The following BRWD3 variants were observed in gnomAD, a reference collection of about 807,000 sequenced individuals.
BRWD3 encodes the protein bromodomain and WD repeat-containing protein 3.
BRWD3 carries 10 observed loss-of-function variants against 149.7 expected under a neutral mutation model. The ratio of observed to expected loss-of-function variants is 0.07; its 90% CI spans 0.04 to 0.11. The LOEUF (loss-of-function observed/expected upper bound fraction) is 0.11, where lower values mean the gene tolerates loss of function less well. Among genes scored for constraint, BRWD3 ranks in the 10% least tolerant of loss-of-function variants. The pLI is 1.00. For missense variants in BRWD3, 940 were observed against 1,373.2 expected, an observed-to-expected ratio of 0.68 and a Z score of 4.99; for synonymous variants, 504 against 456.7, an observed-to-expected ratio of 1.10 and a Z score of -1.32.
intron 17 of BRWD3, among the ~76,000 whole-genome samples, chrX:80,721,117 G>A (rs1255279983): frequency 8.9e-6 from 1 of 111,868 alleles, no homozygotes; most frequent in Non-Finnish European, 1.9e-5. Flanking sequence ...GTTTTAATGA[G>A]TACAAAATTT....
intron 6 of BRWD3, among the ~76,000 whole-genome samples, chrX:80,757,997 C>T (rs967691657): frequency 1.8e-5 from 2 of 111,428 alleles, no homozygotes; most frequent in African/African-American, 3.3e-5. Flanking sequence ...GTAGGGAGTT[C>T]GAGACCAGCC....
chrX:80,693,082 C>T, intron 27 of BRWD3, 31 bp from the exon 28 acceptor site: 1 of 1,083,490 alleles, frequency 9.2e-7, no homozygotes, highest in Non-Finnish European at 1.3e-6. Context: ...TAAAAGGATG[C>T]TCTTGAGAAT....
intron 6 of BRWD3, among the ~76,000 whole-genome samples, chrX:80,755,255 C>A (rs928867522): frequency 9.0e-6 from 1 of 110,656 alleles, no homozygotes; most frequent in Non-Finnish European, 1.9e-5. Flanking sequence ...ATGGAAAAAT[C>A]TTAATATTTT....
chrX:80,725,470 T>G (rs2073203988), intron 14 of BRWD3, among the ~76,000 whole-genome samples: 1 of 112,173 alleles, frequency 8.9e-6, no homozygotes, highest in African/African-American at 3.2e-5. Flanking sequence ...GGTATTCAAA[T>G]TGTATTTTAG....
intron 27 of BRWD3, among the ~76,000 whole-genome samples, chrX:80,695,369 G>A (rs1287776121): frequency 8.9e-6 from 1 of 111,887 alleles, no homozygotes; most frequent in Non-Finnish European, 1.9e-5. Flanking sequence ...GTAATTAAGT[G>A]TGCAAAAAAG....
intron 19 of BRWD3, among the ~76,000 whole-genome samples, chrX:80,716,577 A>C (rs1417464038): frequency 8.9e-6 from 1 of 112,286 alleles, no homozygotes; most frequent in Non-Finnish European, 1.9e-5. Flanking sequence ...GTGGAATCAT[A>C]TAATATTTGT....
At chrX:80,732,306 C>A (rs1458486952) in intron 12 of BRWD3, among the ~76,000 whole-genome samples, 1 of 112,019 alleles carries the variant, frequency 8.9e-6, no homozygotes, top group East Asian at 2.8e-4. Context: ...ATCTATTATG[C>A]TAGGTAAACT....
chrX:80,770,206 A>T (rs1281787976), intron 6 of BRWD3, among the ~76,000 whole-genome samples: 2 of 111,753 alleles, frequency 1.8e-5, no homozygotes, highest in African/African-American at 6.5e-5. Flanking sequence ...TTCTGAAACT[A>T]GTCCAATCAA....
At chrX:80,736,982 A>C (rs1169048525) in intron 8 of BRWD3, among the ~76,000 whole-genome samples, 1 of 112,395 alleles carries the variant, frequency 8.9e-6, no homozygotes, top group Non-Finnish European at 1.9e-5. Context: ...ATAGGGTTTG[A>C]ATACATTTTG....
intron 20 of BRWD3, chrX:80,710,527 A>G (rs2072948139): frequency 1.2e-5 from 5 of 418,071 alleles, no homozygotes; most frequent in South Asian, 1.0e-4. Context: ...AGAACAGGAC[A>G]TAACTACAAA....
chrX:80,742,781 T>G (rs1276641226), intron 8 of BRWD3, among the ~76,000 whole-genome samples: 5 of 111,768 alleles, frequency 4.5e-5, no homozygotes, highest in Non-Finnish European at 7.5e-5. Context: ...CTTATCAGCT[T>G]AAGGAGATTT....
At chrX:80,737,138 T>C (rs1449706810) in intron 8 of BRWD3, among the ~76,000 whole-genome samples, 2 of 111,526 alleles carry the variant, frequency 1.8e-5, no homozygotes, top group African/African-American at 6.5e-5. Flanking sequence ...TGATGTGCAG[T>C]AAAGAAACCA....
chrX:80,743,846 TA>T, intron 8 of BRWD3, 185 bp downstream of exon 8: 1 of 396,655 alleles, frequency 2.5e-6, no homozygotes. Flanking sequence ...AGTTATTTAT[TA>T]AAAAAGATAA....
intron 4 of BRWD3, among the ~76,000 whole-genome samples, chrX:80,798,949 A>G (rs2074266780): frequency 8.9e-6 from 1 of 112,117 alleles, no homozygotes; most frequent in African/African-American, 3.2e-5. Context: ...TTACAATGAA[A>G]CAATACAGGA....
At chrX:80,697,873 G>A (rs749190287) in intron 25 of BRWD3, among the ~76,000 whole-genome samples, 8 of 112,277 alleles carry the variant, frequency 7.1e-5, no homozygotes, top group African/African-American at 2.3e-4. Context: ...AGTCTCCTGA[G>A]AAATCTCCAG....
chrX:80,763,368 C>A (rs188811447), intron 6 of BRWD3, among the ~76,000 whole-genome samples: 103 of 111,036 alleles, frequency 9.3e-4, no homozygotes, highest in Non-Finnish European at 1.5e-3. Flanking sequence ...CATCATATAC[C>A]CCAATAGCTA....
At chrX:80,728,998 A>G (rs2073288529) in intron 13 of BRWD3, 93 bp from the exon 14 acceptor site, 1 of 767,894 alleles carries the variant, frequency 1.3e-6, no homozygotes, top group Non-Finnish European at 2.0e-6. Context: ...CTCCAGGAGT[A>G]TACAACTGTT....
intron 8 of BRWD3, among the ~76,000 whole-genome samples, chrX:80,739,534 C>T (rs970040350): frequency 9.0e-6 from 1 of 110,835 alleles, no homozygotes; most frequent in African/African-American, 3.3e-5. Context: ...GTCTACAGAT[C>T]TCTAAGGCAC....
chrX:80,702,862 T>C (rs2072809670), intron 24 of BRWD3, among the ~76,000 whole-genome samples: 1 of 111,903 alleles, frequency 8.9e-6, no homozygotes, highest in Non-Finnish European at 1.9e-5. Flanking sequence ...AAACATTTAA[T>C]TGATTAAAAA....
Sources: gnomAD v4.1 joint callset for allele counts (sites outside exome capture counted in the v4.1 genomes callset) on GRCh38, gnomAD v4.1.1 for gene constraint, MANE v1.5 for transcripts, NCBI Gene and HGNC (gene_info 2026-07-23, HGNC 2026-07-21) for gene names.